Variants in EVC2 observed in about 807,000 individuals in gnomAD.
The protein encoded by EVC2 is limbin.
EVC2 carries 148 observed loss-of-function variants against 149.3 expected under a neutral mutation model. The ratio of observed to expected loss-of-function variants is 0.99; its 90% confidence interval spans 0.87 to 1.14. The LOEUF (loss-of-function observed/expected upper bound fraction) is 1.14, where lower values mean the gene tolerates loss of function less well. Among genes scored for constraint, EVC2 ranks in the 50% most tolerant of loss-of-function variants. The pLI is 0.00. For synonymous variants in EVC2, 776 were observed against 649.9 expected, an observed-to-expected ratio of 1.19 and a Z score of -2.95; for missense variants, 1,854 against 1,627.3, an observed-to-expected ratio of 1.14 and a Z score of -2.40.
rs1181517243 is a variant in EVC2 at position 5,569,634 on chromosome 4, C to T, written c.3361-994G>A. Reference sequence around the variant, plus strand: ...AGAAGGAGCAGTGTCCAGCCAGGGGCCTGTGCAGGGGCAGGCAGGGGTGGG... The same window carrying T: ...AGAAGGAGCAGTGTCCAGCCAGGGGTCTGTGCAGGGGCAGGCAGGGGTGGG... On this transcript the variant is annotated intron_variant, in intron 19 of 21. Coordinates refer to ENST00000344408, the MANE Select transcript of EVC2 (RefSeq NM_147127.5). The surrounding 1 kb of genome is among the most constrained non-coding windows in gnomAD (Gnocchi z 4.8). Among the ~76,000 whole-genome samples the T allele has an allele frequency of 6.6e-6, 1 of 151,914 alleles. No homozygotes were observed. The highest frequency in any genetic ancestry group is 6.6e-5 in the Admixed American group (1 of 15,262).
At chr4:5,529,945 A>T in the EVC2 span, among the ~76,000 whole-genome samples, 1 of 151,392 alleles carries the variant, frequency 6.6e-6, no homozygotes, top group African/African-American at 2.4e-5. This position sits in a 1 kb window ranked among gnomAD's most constrained non-coding sequence, Gnocchi z 4.5. Flanking sequence ...CCTCCTGAGT[A>T]GCTGGGATTA....
intron 21 of EVC2, among the ~76,000 whole-genome samples, chr4:5,549,069 A>T (rs1385092907): frequency 7.0e-6 from 1 of 142,362 alleles, no homozygotes; most frequent in Non-Finnish European, 1.5e-5. Context: ...TTTTTTTATT[A>T]CCATTATTTA....
intron 16 of EVC2, among the ~76,000 whole-genome samples, chr4:5,595,100 C>T (rs577367989): frequency 3.9e-5 from 6 of 152,252 alleles, no homozygotes; most frequent in Middle Eastern, 3.4e-3. Flanking sequence ...GATTGGTGTA[C>T]GTGAACATGA....
intron 7 of EVC2, among the ~76,000 whole-genome samples, 162 bp from the exon 8 acceptor site, chr4:5,665,811 C>T (rs1318378474): frequency 2.6e-5 from 4 of 152,192 alleles, no homozygotes; most frequent in African/African-American, 9.7e-5. Flanking sequence ...TGGAGGCCCT[C>T]GCTGGTCCTC....
At chr4:5,668,139 G>A (rs1317228860) in intron 7 of EVC2, among the ~76,000 whole-genome samples, 8 of 152,208 alleles carry the variant, frequency 5.3e-5, no homozygotes, top group Non-Finnish European at 5.9e-5. Context: ...ATGGGATACC[G>A]AATGTATTAT....
At chr4:5,529,038 C>A in the EVC2 span, among the ~76,000 whole-genome samples, 1 of 152,166 alleles carries the variant, frequency 6.6e-6, no homozygotes, top group African/African-American at 2.4e-5. The surrounding 1 kb of genome is among the most constrained non-coding windows in gnomAD (Gnocchi z 4.5). Context: ...ATATAGCTTA[C>A]CCCTCATGTT....
chr4:5,654,367 G>A (rs1419744968), intron 9 of EVC2, among the ~76,000 whole-genome samples: 1 of 152,190 alleles, frequency 6.6e-6, no homozygotes, highest in Non-Finnish European at 1.5e-5. Context: ...TTTTAGAGAA[G>A]GAGGTCACAC....
chr4:5,683,637 C>G (rs1342449489), intron 6 of EVC2, among the ~76,000 whole-genome samples: 1 of 152,112 alleles, frequency 6.6e-6, no homozygotes, highest in African/African-American at 2.4e-5. Flanking sequence ...ATATCACAGA[C>G]AGGAACCAAA....
rs1168258598 is a variant in EVC2, at chr4:5,657,203, C to T, written c.1145+5904G>A. Among the ~76,000 whole-genome samples, 2 of 152,168 alleles carry T rather than the reference C, an allele frequency of 1.3e-5. No homozygotes were observed. The highest frequency in any genetic ancestry group is 2.9e-5 in the Non-Finnish European group (2 of 68,036). ...TGGGTTTCTCTAGTAAGCCACTTCC[C>T]CGTGGTCAGGACTGCTTCACACTTT... On this transcript the variant is annotated intron_variant, in intron 9 of 21. Transcript: ENST00000344408. This position sits in a 1 kb window ranked among gnomAD's most constrained non-coding sequence, Gnocchi z 4.7.
chr4:5,629,603 G>C (rs1034098722), intron 11 of EVC2, among the ~76,000 whole-genome samples: 2 of 152,240 alleles, frequency 1.3e-5, no homozygotes, highest in Admixed American at 6.5e-5. Context: ...GTTCAACAGG[G>C]AACATAGGAC....
In EVC2 at chr4:5,576,485, C is replaced by T. The variant is rs1397805485; in HGVS notation, c.3058-31G>A. The T allele has an allele frequency of 4.9e-5, 77 of 1,557,912 alleles. No individual in the cohort carries two copies. The highest frequency in any genetic ancestry group is 2.3e-4 in the Admixed American group (12 of 51,938). ...CAAGGAAGGGGCAGAGGGTAAGCAC[C>T]ACTGCACAAGGCGGGTGGGGTGGAG... On this transcript the variant is annotated intron_variant, in intron 17 of 21. Coordinates refer to ENST00000344408, the MANE Select transcript of EVC2 (RefSeq NM_147127.5). This position sits in a 1 kb window ranked among gnomAD's most constrained non-coding sequence, Gnocchi z 4.5.
chr4:5,693,615 C>T (rs1455392574), intron 3 of EVC2, among the ~76,000 whole-genome samples: 1 of 152,228 alleles, frequency 6.6e-6, no homozygotes, highest in African/African-American at 2.4e-5. Flanking sequence ...TGAGAAAATA[C>T]ATTCCTGTTG....
In EVC2 at chr4:5,625,649, A is replaced by C. The variant is rs1716051412; in HGVS notation, c.2046+100T>G. 1 of 1,509,130 alleles carries C rather than the reference A, an allele frequency of 6.6e-7. No individual in the cohort carries two copies. The highest frequency in any genetic ancestry group is 1.4e-5 in the African/African-American group (1 of 72,304). The allele number at this position is 1,509,130 out of a possible 1,614,324, so 93.5% of individuals were successfully genotyped here. A position where few individuals can be genotyped will look rare whatever the true frequency, so the allele number is the denominator to read the frequency against. ...TGGTGCCTGCCCAGCTGCCCTTCTG[A>C]TCCTAGTTCACCAATGGCAATGTCT... is the stretch of plus-strand genomic sequence containing the variant. On this transcript the variant is annotated intron_variant, in intron 13 of 21. Transcript: ENST00000344408. This position sits in a 1 kb window ranked among gnomAD's most constrained non-coding sequence, Gnocchi z 4.0.
intron 1 of EVC2, among the ~76,000 whole-genome samples, chr4:5,702,432 G>A (rs1046174140): frequency 5.9e-5 from 9 of 152,190 alleles, no homozygotes; most frequent in African/African-American, 2.2e-4. Flanking sequence ...CTGGCATCTA[G>A]AAGGCCCTCA....
At chr4:5,542,594 T>C (rs1012403949), downstream of EVC2, among the ~76,000 whole-genome samples, 1 of 152,184 alleles carries the variant, frequency 6.6e-6, no homozygotes, top group Non-Finnish European at 1.5e-5. Context: ...CTGCCCAGGT[T>C]CTAAGCCTGG....
In EVC2 at chr4:5,653,537, T is replaced by A. The variant is rs1560198626; in HGVS notation, c.1145+9570A>T. ...ACTCATGAGCTGGGACAATGCTCTT[T>A]CCCCTAAGAAAGGTAAGGTCACGGT... is the stretch of plus-strand genomic sequence containing the variant. On this transcript the variant is annotated intron_variant, in intron 9 of 21. Transcript: ENST00000344408. 2.0e-5 allele frequency among the ~76,000 whole-genome samples: 3 copies of A among 152,322 alleles called. No individual in the cohort carries two copies. In the East Asian group the frequency reaches 5.8e-4, roughly 29 times the overall value.
In EVC2 at chr4:5,622,098, G is replaced by A. The variant is rs1242343537; in HGVS notation, c.2501+439C>T. On this transcript the variant is annotated intron_variant, in intron 14 of 21. Transcript: ENST00000344408. This position sits in a 1 kb window ranked among gnomAD's most constrained non-coding sequence, Gnocchi z 5.8. Reference sequence around the variant, plus strand: ...CCTTGATGCCTGGTGAAACTAGCAGGGCCTGGAATGGCCTAACCGCAAGCT... The same window carrying A: ...CCTTGATGCCTGGTGAAACTAGCAGAGCCTGGAATGGCCTAACCGCAAGCT... 6.6e-6 allele frequency among the ~76,000 whole-genome samples: 1 copy of A among 151,996 alleles called. No homozygotes were observed. The highest frequency in any genetic ancestry group is 1.5e-5 in the Non-Finnish European group (1 of 67,996).
intron 7 of EVC2, among the ~76,000 whole-genome samples, chr4:5,674,540 A>C (rs1719867107): frequency 6.6e-6 from 1 of 152,202 alleles, no homozygotes; most frequent in Non-Finnish European, 1.5e-5. Context: ...GATCCAATGC[A>C]TAGGACCCCA....
At chr4:5,647,261 CTG>C (rs1440017971) in intron 9 of EVC2, among the ~76,000 whole-genome samples, 4 of 152,146 alleles carry the variant, frequency 2.6e-5, no homozygotes, top group Non-Finnish European at 5.9e-5. Context: ...TGTAAGAGTC[CTG>C]TGAGTCCAAA....
Sources: allele counts gnomAD v4.1 joint callset (sites outside exome capture counted in the v4.1 genomes callset), GRCh38; gene constraint gnomAD v4.1.1; non-coding constraint Gnocchi (gnomAD v3.1); transcripts MANE v1.5; gene names NCBI Gene and HGNC (gene_info 2026-07-23, HGNC 2026-07-21).